Variants in EFNA5 observed in about 807,000 individuals in gnomAD.
EFNA5 encodes the protein ephrin A5, also known as ephrin-A5.
Under a neutral mutation model 22.9 loss-of-function variants are expected in EFNA5, and 5 were observed. That is an observed-to-expected ratio of 0.22 (90% CI 0.11 to 0.46). EFNA5 has a LOEUF of 0.46. Ranked by LOEUF, EFNA5 falls within the 20% of genes least tolerant of loss-of-function variation. The pLI, the probability that EFNA5 is intolerant of heterozygous loss-of-function variation, is 0.99. For synonymous variants in EFNA5, 113 were observed against 112.2 expected, an observed-to-expected ratio of 1.01 and a Z score of -0.04; for missense variants, 237 against 293.3, an observed-to-expected ratio of 0.81 and a Z score of 1.40.
intron 1 of EFNA5, among the ~76,000 whole-genome samples, chr5:107,640,068 A>T (rs1580575569): frequency 6.6e-6 from 1 of 152,306 alleles, no homozygotes; most frequent in African/African-American, 2.4e-5. Context: ...ATATAACTAG[A>T]TTTCTCCATC....
intron 1 of EFNA5, among the ~76,000 whole-genome samples, chr5:107,614,025 TCA>T (rs1271147412): frequency 6.6e-6 from 1 of 152,158 alleles, no homozygotes; most frequent in Non-Finnish European, 1.5e-5. Flanking sequence ...CTCAGAGAAC[TCA>T]GTCGTCCTAG....
chr5:107,568,253 C>T (rs1039417163), intron 1 of EFNA5, among the ~76,000 whole-genome samples: 3 of 152,028 alleles, frequency 2.0e-5, no homozygotes, highest in Non-Finnish European at 2.9e-5. Context: ...ACATATATAC[C>T]CCGTAGCTAT....
intron 1 of EFNA5, among the ~76,000 whole-genome samples, chr5:107,443,286 T>G (rs990546426): frequency 6.6e-6 from 1 of 152,188 alleles, no homozygotes; most frequent in South Asian, 2.1e-4. Flanking sequence ...TTTCCATAGA[T>G]AGAACCAGTA....
intron 1 of EFNA5, among the ~76,000 whole-genome samples, chr5:107,497,602 G>A (rs1335052767): frequency 6.6e-6 from 1 of 151,264 alleles, no homozygotes; most frequent in Non-Finnish European, 1.5e-5. Context: ...TACCTAGGGA[G>A]CGCTGGAAAA....
intron 1 of EFNA5, among the ~76,000 whole-genome samples, chr5:107,614,454 A>G (rs1323113369): frequency 1.3e-5 from 2 of 152,172 alleles, no homozygotes; most frequent in African/African-American, 4.8e-5. Context: ...ATGGAAATAT[A>G]CTGTTAAAAA....
chr5:107,493,552 C>T (rs1397975434), intron 1 of EFNA5, among the ~76,000 whole-genome samples: 2 of 152,126 alleles, frequency 1.3e-5, no homozygotes, highest in East Asian at 3.9e-4. Flanking sequence ...AAAACAAAAA[C>T]AAACAAGTAT....
intron 2 of EFNA5, among the ~76,000 whole-genome samples, chr5:107,415,431 C>T (rs752622871): frequency 6.6e-6 from 1 of 152,210 alleles, no homozygotes; most frequent in Non-Finnish European, 1.5e-5. Context: ...TCCAAATACT[C>T]TCCACTCCAT....
At chr5:107,621,734 C>T (rs1305441764) in intron 1 of EFNA5, among the ~76,000 whole-genome samples, 1 of 151,838 alleles carries the variant, frequency 6.6e-6, no homozygotes, top group Non-Finnish European at 1.5e-5. Context: ...ATTATTATCA[C>T]CATCACTATT....
Position 107,427,559 on chromosome 5 carries a change from C to T in EFNA5, c.126-50G>A, listed in dbSNP as rs1455607905. 3 of 1,507,544 alleles carry T rather than the reference C, an allele frequency of 2.0e-6. No individual in the cohort carries two copies. The East Asian group carries it at 6.8e-5, about 34-fold the overall frequency. The allele number at this position is 1,507,544 out of a possible 1,614,324, so 93.4% of individuals were successfully genotyped here. On this transcript the variant is annotated intron_variant, in intron 1 of 4. Coordinates refer to ENST00000333274, the MANE Select transcript of EFNA5 (RefSeq NM_001962.3). ...TGATAATTCATAGAGAAAGGGCTTT[C>T]TGCTTGGAATCAGTGGTTAAGCCAT...
chr5:107,434,005 T>A (rs1749043855), intron 1 of EFNA5, among the ~76,000 whole-genome samples: 1 of 152,088 alleles, frequency 6.6e-6, no homozygotes, highest in African/African-American at 2.4e-5. Flanking sequence ...AGAAGTGAGG[T>A]AACAGTTGAC....
chr5:107,483,159 C>G (rs1459564361), intron 1 of EFNA5, among the ~76,000 whole-genome samples: 1 of 152,066 alleles, frequency 6.6e-6, no homozygotes, highest in South Asian at 2.1e-4. Context: ...AATATAATCT[C>G]CCTTTTCTTT....
chr5:107,412,552 T>C (rs1748397509), intron 2 of EFNA5, among the ~76,000 whole-genome samples: 1 of 152,194 alleles, frequency 6.6e-6, no homozygotes, highest in African/African-American at 2.4e-5. Context: ...TTTTTCAATT[T>C]AGAAAAAGAA....
intron 2 of EFNA5, among the ~76,000 whole-genome samples, chr5:107,393,808 T>C (rs1747848475): frequency 6.6e-6 from 1 of 151,890 alleles, no homozygotes; most frequent in Non-Finnish European, 1.5e-5. Context: ...GCTGAAAGAG[T>C]AAAGCCCATT....
At chr5:107,658,547 T>C (rs1750874974) in intron 1 of EFNA5, among the ~76,000 whole-genome samples, 1 of 152,178 alleles carries the variant, frequency 6.6e-6, no homozygotes, top group Non-Finnish European at 1.5e-5. Context: ...GCTTCTTAAA[T>C]GGCAAATAAT....
intron 1 of EFNA5, among the ~76,000 whole-genome samples, chr5:107,639,897 C>T (rs575271187): frequency 6.6e-6 from 1 of 152,276 alleles, no homozygotes; most frequent in East Asian, 1.9e-4. Context: ...AATCCTAATA[C>T]TGCACCCTAG....
intron 2 of EFNA5, among the ~76,000 whole-genome samples, chr5:107,422,131 T>C (rs1208153585): frequency 6.6e-6 from 1 of 152,192 alleles, no homozygotes; most frequent in Non-Finnish European, 1.5e-5. Flanking sequence ...TCCTCCCAGA[T>C]CAGCTAGTTC....
At chr5:107,537,047 G>T (rs1747945098) in intron 1 of EFNA5, among the ~76,000 whole-genome samples, 1 of 150,886 alleles carries the variant, frequency 6.6e-6, no homozygotes, top group African/African-American at 2.5e-5. Flanking sequence ...GGAGGTTGCA[G>T]TGAGCCGACA....
intron 1 of EFNA5, among the ~76,000 whole-genome samples, chr5:107,458,550 T>C (rs891504853): frequency 6.6e-6 from 1 of 151,806 alleles, no homozygotes; most frequent in African/African-American, 2.4e-5. Flanking sequence ...ACAAGGTGCC[T>C]GGAACCTGGA....
chr5:107,526,549 T>C (rs961248563), intron 1 of EFNA5, among the ~76,000 whole-genome samples: 14 of 152,232 alleles, frequency 9.2e-5, no homozygotes, highest in African/African-American at 3.4e-4. Context: ...GAGTTCTGCC[T>C]TTCTAGAAAT....
Sources: gnomAD v4.1 joint callset for allele counts (sites outside exome capture counted in the v4.1 genomes callset) on GRCh38, gnomAD v4.1.1 for gene constraint, MANE v1.5 for transcripts, NCBI Gene and HGNC (gene_info 2026-07-23, HGNC 2026-07-21) for gene names.